The following STK33 variants were observed in gnomAD, a reference collection of about 807,000 sequenced individuals.
STK33 encodes serine/threonine kinase 33.
STK33 carries 52 observed loss-of-function variants against 58.0 expected under a neutral mutation model. The ratio of observed to expected loss-of-function variants is 0.90; its 90% CI spans 0.72 to 1.13. The LOEUF is 1.13. Ranked by LOEUF, STK33 falls within the 50% of genes most tolerant of loss-of-function variation. STK33 has a pLI of 0.00. For synonymous variants in STK33, 215 were observed against 200.1 expected, an observed-to-expected ratio of 1.07 and a Z score of -0.63; for missense variants, 630 against 604.2, an observed-to-expected ratio of 1.04 and a Z score of -0.45.
chr11:8,382,000 T>C, the STK33 span, among the ~76,000 whole-genome samples: 3 of 152,104 alleles, frequency 2.0e-5, no homozygotes, highest in Non-Finnish European at 4.4e-5. Context: ...CATATCCCTC[T>C]GTAACCACAG....
At chr11:8,522,481 A>C (rs80073648) in intron 1 of STK33, among the ~76,000 whole-genome samples, 1 of 151,934 alleles carries the variant, frequency 6.6e-6, no homozygotes, top group East Asian at 1.9e-4. Flanking sequence ...AAAAAAAAAA[A>C]GAATGAAATT....
intron 6 of STK33, among the ~76,000 whole-genome samples, chr11:8,468,568 T>C (rs942169804): frequency 5.9e-5 from 9 of 152,194 alleles, no homozygotes; most frequent in African/African-American, 2.2e-4. Flanking sequence ...CCTCAAACAA[T>C]ATTATTGCTT....
the STK33 span, among the ~76,000 whole-genome samples, chr11:8,370,103 G>A: frequency 6.6e-5 from 10 of 152,338 alleles, no homozygotes; most frequent in East Asian, 1.9e-3. Context: ...CCCTCCCAAG[G>A]GCCAGGGCTG....
chr11:8,485,182 T>A (rs1950114474), intron 1 of STK33, among the ~76,000 whole-genome samples: 1 of 152,206 alleles, frequency 6.6e-6, no homozygotes, highest in African/African-American at 2.4e-5. Flanking sequence ...AATACCAGAA[T>A]AATTTGGGAA....
At chr11:8,524,510 T>C (rs533891614) in intron 1 of STK33, among the ~76,000 whole-genome samples, 2 of 152,090 alleles carry the variant, frequency 1.3e-5, no homozygotes, top group Non-Finnish European at 2.9e-5. Context: ...GCCTACAATA[T>C]ATGAAAATGT....
At chr11:8,356,950 C>T in the STK33 span, among the ~76,000 whole-genome samples, 1 of 152,184 alleles carries the variant, frequency 6.6e-6, no homozygotes, top group African/African-American at 2.4e-5. Flanking sequence ...TAGAGGAAGC[C>T]GTCCCTGAAG....
Position 8,392,662 on chromosome 11 carries a change from C to T in STK33, c.1393G>A (p.Asp465Asn). ...GATGTGAAACTTGAACTGCACATAT[C>T]AAAGTTGTCCTTACTGGTTGCAGGA... ...QFPATSKDNF[D>N]MCSSSFTSSK... Residue 465 changes from aspartate (D) to asparagine (N), a missense_variant, in exon 16 of 16, where the codon GAT becomes AAT. Asp to Asn is a conservative substitution (Grantham distance 23). Coordinates refer to ENST00000687296, the MANE Select transcript of STK33 (RefSeq NM_001352389.2). 6.2e-7 allele frequency: 1 copy of T among 1,614,208 alleles called. No homozygotes were observed. Among genetic ancestry groups the T allele is most frequent in the Non-Finnish European group, 8.5e-7 (1 of 1,180,048 alleles).
rs138178147 is a variant in STK33, at chr11:8,460,837, A to G, written c.558+968T>C. Among the ~76,000 whole-genome samples, 1,033 of 152,316 alleles carry G rather than the reference A, an allele frequency of 6.8e-3. 12 individuals carry two copies. Among genetic ancestry groups the G allele is most frequent in the African/African-American group, 0.023 (943 of 41,570 alleles). On this transcript the variant is annotated intron_variant, in intron 8 of 15. Transcript: ENST00000687296. ...GAAAAGGGCAGAGACTTTGGGCATC[A>G]TTGCCATATACTGCTCTTATAAAGG...
chr11:8,558,239 A>T (rs1035051361), intron 1 of STK33, among the ~76,000 whole-genome samples: 1 of 152,220 alleles, frequency 6.6e-6, no homozygotes, highest in Non-Finnish European at 1.5e-5. Context: ...TGAAAAGGAA[A>T]AAAGACCAGC....
At chr11:8,359,708 C>T in the STK33 span, among the ~76,000 whole-genome samples, 1 of 152,230 alleles carries the variant, frequency 6.6e-6, no homozygotes, top group Non-Finnish European at 1.5e-5. Flanking sequence ...CACTGCCCTG[C>T]AATCAGAGAG....
intron 1 of STK33, among the ~76,000 whole-genome samples, chr11:8,516,635 A>C (rs1952811790): frequency 6.6e-6 from 1 of 152,200 alleles, no homozygotes; most frequent in Non-Finnish European, 1.5e-5. Context: ...TCCCACCCTA[A>C]TAGTGCACTT....
intron 1 of STK33, among the ~76,000 whole-genome samples, chr11:8,498,691 G>A (rs1201763418): frequency 6.6e-6 from 1 of 152,058 alleles, no homozygotes; most frequent in Non-Finnish European, 1.5e-5. Flanking sequence ...CTATATACAA[G>A]GCTACAGTAA....
intron 14 of STK33, among the ~76,000 whole-genome samples, chr11:8,430,474 A>G (rs1943282303): frequency 6.6e-6 from 1 of 152,174 alleles, no homozygotes; most frequent in Non-Finnish European, 1.5e-5. Flanking sequence ...AAAATACACT[A>G]ACACTAATGA....
chr11:8,437,017 T>C (rs542029194), intron 12 of STK33, among the ~76,000 whole-genome samples: 4 of 152,142 alleles, frequency 2.6e-5, no homozygotes, highest in South Asian at 2.1e-4. Flanking sequence ...GGAATTTCTA[T>C]AGGACCTAAG....
chr11:8,346,433 C>T, the STK33 span, among the ~76,000 whole-genome samples: 1 of 152,140 alleles, frequency 6.6e-6, no homozygotes, highest in African/African-American at 2.4e-5. Context: ...ATGGGCAAGG[C>T]CAGAGGACTT....
the STK33 span, among the ~76,000 whole-genome samples, chr11:8,345,466 C>T: frequency 3.3e-5 from 5 of 152,178 alleles, no homozygotes; most frequent in Non-Finnish European, 7.3e-5. Context: ...GGCAGGATGC[C>T]GGGGAAAATG....
chr11:8,457,156 G>A (rs1422667008), intron 9 of STK33, among the ~76,000 whole-genome samples, 185 bp downstream of exon 9: 3 of 151,710 alleles, frequency 2.0e-5, no homozygotes, highest in South Asian at 2.1e-4. Flanking sequence ...TTTCATCTTC[G>A]TTCATATTTC....
chr11:8,425,680 G>C (rs1237918550), intron 14 of STK33, among the ~76,000 whole-genome samples: 2 of 152,116 alleles, frequency 1.3e-5, no homozygotes, highest in Non-Finnish European at 2.9e-5. Context: ...ATAGTAGAGA[G>C]CTAGATTTTT....
intron 15 of STK33, among the ~76,000 whole-genome samples, chr11:8,401,509 T>C (rs534097773): frequency 6.6e-6 from 1 of 152,204 alleles, no homozygotes; most frequent in Admixed American, 6.5e-5. Flanking sequence ...CCTAAAACCA[T>C]AAAAACCCTA....
Sources: allele counts gnomAD v4.1 joint callset (sites outside exome capture counted in the v4.1 genomes callset), GRCh38; gene constraint gnomAD v4.1.1; transcripts MANE v1.5; gene names NCBI Gene and HGNC (gene_info 2026-07-23, HGNC 2026-07-21).